VPS35L: variants seen among roughly 807,000 people sequenced by gnomAD.
VPS35L encodes the protein VPS35 endosomal protein sorting factor like.
VPS35L carries 83 observed loss-of-function variants against 133.0 expected under a neutral mutation model. The ratio of observed to expected loss-of-function variants is 0.62; its 90% CI spans 0.52 to 0.75. The LOEUF (loss-of-function observed/expected upper bound fraction) is 0.75, where lower values mean the gene tolerates loss of function less well. Ranked by LOEUF, VPS35L falls within the 30% of genes least tolerant of loss-of-function variation. VPS35L has a pLI of 0.00. For missense variants in VPS35L, 1,083 were observed against 1,206.8 expected, an observed-to-expected ratio of 0.90 and a Z score of 1.52; for synonymous variants, 423 against 449.9, an observed-to-expected ratio of 0.94 and a Z score of 0.76.
chr16:19,639,950 C>A lies in VPS35L; in HGVS notation c.1699-65C>A. ...TCTTTGAACTCCACAGAAAAAGAGACCCACAGATTCCTTCCTTCCAATAAC... is the reference window on the plus strand; with the variant it reads ...TCTTTGAACTCCACAGAAAAAGAGAACCACAGATTCCTTCCTTCCAATAAC... On this transcript the variant is annotated intron_variant, in intron 20 of 30. Transcript: ENST00000417362. The surrounding 1 kb of genome is among the most constrained non-coding windows in gnomAD (Gnocchi z 4.1). The A allele has an allele frequency of 1.4e-6, 2 of 1,382,120 alleles. No individual in the cohort carries two copies. Among genetic ancestry groups the A allele is most frequent in the Non-Finnish European group, 2.0e-6 (2 of 978,680 alleles). 85.6% of individuals were successfully genotyped at this position (1,382,120 alleles called of 1,614,324 possible).
intron 24 of VPS35L, among the ~76,000 whole-genome samples, chr16:19,649,974 G>A (rs916811021): frequency 6.6e-6 from 1 of 152,166 alleles, no homozygotes; most frequent in Non-Finnish European, 1.5e-5. Flanking sequence ...TGTTGGTACT[G>A]TATAGCTGAA....
intron 2 of VPS35L, 61 bp from the exon 3 acceptor site, chr16:19,569,363 G>A: frequency 6.4e-7 from 1 of 1,566,666 alleles, no homozygotes; most frequent in Non-Finnish European, 8.8e-7. Flanking sequence ...GTACCCACTG[G>A]AGTGTTTCAC....
chr16:19,628,132 G>A (rs541713608), intron 16 of VPS35L, among the ~76,000 whole-genome samples: 8 of 152,204 alleles, frequency 5.3e-5, no homozygotes, highest in African/African-American at 1.4e-4. Context: ...TGGGAGGCCA[G>A]GGCAGGAGGA....
rs1358536907 is a variant in VPS35L at position 19,698,667 on chromosome 16, C to T, written c.2647-835C>T. Among the ~76,000 whole-genome samples, 36 of 152,162 alleles carry T rather than the reference C, an allele frequency of 2.4e-4. 2 individuals carry two copies. Among genetic ancestry groups the T allele is most frequent in the Admixed American group, 2.4e-3 (36 of 15,282 alleles). On this transcript the variant is annotated intron_variant, in intron 29 of 30. Coordinates refer to ENST00000417362, the MANE Select transcript of VPS35L (RefSeq NM_020314.7). Reference sequence around the variant, plus strand: ...TGGCACACTCTTAAGGGCTCTTACACGCATTCACTGTCAGGGAGCAGACAT... The same window carrying T: ...TGGCACACTCTTAAGGGCTCTTACATGCATTCACTGTCAGGGAGCAGACAT...
intron 11 of VPS35L, 131 bp downstream of exon 11, chr16:19,609,152 C>G: frequency 1.3e-6 from 1 of 750,104 alleles, no homozygotes; most frequent in Non-Finnish European, 2.2e-6. Context: ...ACCTTCTGTT[C>G]TTTTTCTCAT....
At chr16:19,590,709 G>T (rs1972017298) in intron 7 of VPS35L, among the ~76,000 whole-genome samples, 1 of 152,142 alleles carries the variant, frequency 6.6e-6, no homozygotes, top group East Asian at 1.9e-4. Flanking sequence ...AGCACTTTGG[G>T]AGGCTGAGGT....
chr16:19,648,491 A>G (rs1328570645), intron 24 of VPS35L, among the ~76,000 whole-genome samples: 1 of 152,186 alleles, frequency 6.6e-6, no homozygotes, highest in Non-Finnish European at 1.5e-5. Context: ...GAGGTTCCCT[A>G]CTTTCTTGGA....
chr16:19,575,602 T>C (rs1179154342), intron 5 of VPS35L, among the ~76,000 whole-genome samples: 1 of 148,740 alleles, frequency 6.7e-6, no homozygotes, highest in African/African-American at 2.5e-5. Flanking sequence ...GTGGCTCACC[T>C]GTGTAATCCC....
At chr16:19,612,744 T>C (rs1972764687) in intron 12 of VPS35L, among the ~76,000 whole-genome samples, 1 of 152,230 alleles carries the variant, frequency 6.6e-6, no homozygotes, top group South Asian at 2.1e-4. Flanking sequence ...GTATGTATTT[T>C]TTGCAAGCCT....
intron 3 of VPS35L, among the ~76,000 whole-genome samples, chr16:19,572,644 G>A (rs1166352471): frequency 6.6e-6 from 1 of 152,076 alleles, no homozygotes; most frequent in African/African-American, 2.4e-5. Context: ...ATGAGTTTGA[G>A]CATTTTTTGA....
intron 14 of VPS35L, among the ~76,000 whole-genome samples, chr16:19,623,860 G>A (rs1973170735): frequency 6.7e-6 from 1 of 148,216 alleles, no homozygotes; most frequent in African/African-American, 2.5e-5. Flanking sequence ...CTGAAGTGCT[G>A]TGGTGCAGTC....
chr16:19,653,932 T>G lies in VPS35L; in HGVS notation c.2221+1842T>G, dbSNP rs542691541. Among the ~76,000 whole-genome samples, 5 of 152,246 alleles carry G rather than the reference T, an allele frequency of 3.3e-5. No individual in the cohort carries two copies. The South Asian group carries it at 8.3e-4, about 25-fold the overall frequency. On this transcript the variant is annotated intron_variant, in intron 26 of 30. Transcript: ENST00000417362. ...ATGGGGGACTTCAGTAGCTTCTGAG[T>G]GCAGCTGAACACTTGCCTCTTGATT... is the stretch of plus-strand genomic sequence containing the variant.
In VPS35L at chr16:19,608,173, T is replaced by C; in HGVS notation, c.785-5T>C. On this transcript the variant is annotated splice_region_variant and splice_polypyrimidine_tract_variant and intron_variant, in intron 9 of 30. Transcript: ENST00000417362. ...GGCTGATGGATCTTGTTTTTTGTAT[T>C]ACAGATCACTTTTCTCCAGAGAATG... The C allele has an allele frequency of 6.2e-7, 1 of 1,608,964 alleles. No homozygotes were observed. The highest frequency in any genetic ancestry group is 1.1e-5 in the South Asian group (1 of 90,966).
At chr16:19,682,748 A>G (rs926063005) in intron 28 of VPS35L, among the ~76,000 whole-genome samples, 1 of 152,090 alleles carries the variant, frequency 6.6e-6, no homozygotes, top group Admixed American at 6.6e-5. Flanking sequence ...TGTAATCCCA[A>G]CTACTCGGGA....
chr16:19,568,094 AT>A (rs1434622238), intron 2 of VPS35L, among the ~76,000 whole-genome samples: 1 of 152,100 alleles, frequency 6.6e-6, no homozygotes, highest in African/African-American at 2.4e-5. Context: ...CTAGGGAAAC[AT>A]TTACTTATAC....
intron 26 of VPS35L, among the ~76,000 whole-genome samples, chr16:19,668,132 T>C (rs1466878634): frequency 6.6e-6 from 1 of 152,204 alleles, no homozygotes; most frequent in African/African-American, 2.4e-5. Context: ...GCTGTTGCAT[T>C]TGCCCCTCTG....
At chr16:19,668,551 G>A (rs934764369) in intron 26 of VPS35L, among the ~76,000 whole-genome samples, 5 of 151,644 alleles carry the variant, frequency 3.3e-5, no homozygotes, top group East Asian at 1.9e-4. Context: ...TTTCCCAAAC[G>A]ATTCTATGGA....
chr16:19,632,062 A>C (rs1973473575), intron 18 of VPS35L, among the ~76,000 whole-genome samples: 1 of 151,964 alleles, frequency 6.6e-6, no homozygotes, highest in Admixed American at 6.6e-5. Flanking sequence ...CCTGGGTTCA[A>C]GTGATTCTCC....
chr16:19,629,721 T>C (rs749368864), intron 17 of VPS35L, 46 bp from the exon 18 acceptor site: 1 of 1,559,900 alleles, frequency 6.4e-7, no homozygotes, highest in East Asian at 2.2e-5. Flanking sequence ...CTGTAATGCA[T>C]ACTATGTTGT....
Sources: gnomAD v4.1 joint callset for allele counts (sites outside exome capture counted in the v4.1 genomes callset) on GRCh38, gnomAD v4.1.1 for gene constraint, Gnocchi (gnomAD v3.1) non-coding constraint, MANE v1.5 for transcripts, NCBI Gene and HGNC (gene_info 2026-07-23, HGNC 2026-07-21) for gene names.